CTNNB1: variants seen among roughly 807,000 people sequenced by gnomAD.
CTNNB1 encodes catenin beta-1.
CTNNB1 carries 6 observed loss-of-function variants against 82.5 expected under a neutral mutation model. The ratio of observed to expected loss-of-function variants is 0.07; its 90% CI spans 0.04 to 0.14. CTNNB1 has a LOEUF of 0.14. Ranked by LOEUF, CTNNB1 falls within the 10% of genes least tolerant of loss-of-function variation. CTNNB1 has a pLI of 1.00. For synonymous variants in CTNNB1, 312 were observed against 329.7 expected, an observed-to-expected ratio of 0.95 and a Z score of 0.58; for missense variants, 529 against 980.4, an observed-to-expected ratio of 0.54 and a Z score of 6.15.
intron 11 of CTNNB1, 145 bp downstream of exon 11, chr3:41,235,988 A>G (rs1217771265): frequency 9.7e-7 from 1 of 1,036,114 alleles, no homozygotes; most frequent in African/African-American, 1.6e-5. Flanking sequence ...TTGGTCAGTA[A>G]GAGAAACATT....
intron 3 of CTNNB1, 61 bp downstream of exon 3, chr3:41,224,814 A>T (rs2078136953): frequency 6.3e-7 from 1 of 1,593,998 alleles, no homozygotes; most frequent in Non-Finnish European, 8.6e-7. Context: ...AGAACTAAAA[A>T]GTTAGTGTAT....
At chr3:41,227,427 G>T (rs755995003) in intron 7 of CTNNB1, 75 bp downstream of exon 7, 4 of 1,523,604 alleles carry the variant, frequency 2.6e-6, no homozygotes, top group Non-Finnish European at 3.6e-6. Context: ...CTTAGGAAAA[G>T]GTGGTAGAAC....
chr3:41,234,618 C>A (rs2078390203), intron 10 of CTNNB1: 1 of 370,542 alleles, frequency 2.7e-6, no homozygotes, highest in Non-Finnish European at 5.1e-6. Flanking sequence ...AATTTGAGAT[C>A]AAATCTGTGT....
chr3:41,218,951 A>G (rs1013488527), intron 1 of CTNNB1, among the ~76,000 whole-genome samples: 2 of 152,176 alleles, frequency 1.3e-5, no homozygotes, highest in Non-Finnish European at 2.9e-5. Context: ...AAGCTAGTGT[A>G]TATTCTTTGC....
chr3:41,203,275 G>T (rs1172142971), intron 1 of CTNNB1, among the ~76,000 whole-genome samples: 1 of 151,754 alleles, frequency 6.6e-6, no homozygotes, highest in African/African-American at 2.4e-5. Context: ...TGATGAGGGA[G>T]AATCAACTAA....
intron 1 of CTNNB1, among the ~76,000 whole-genome samples, chr3:41,220,054 G>C (rs2078005308): frequency 6.6e-6 from 1 of 152,062 alleles, no homozygotes; most frequent in South Asian, 2.1e-4. Context: ...CTGTGTGGTG[G>C]ACTCATATGA....
Position 41,236,346 on chromosome 3 carries a change from T to TGG in CTNNB1, c.1804-3_1804-2insGG. 1 of 1,614,226 alleles carries TGG rather than the reference T, an allele frequency of 6.2e-7. No individual in the cohort carries two copies. Among genetic ancestry groups the TGG allele is most frequent in the Non-Finnish European group, 8.5e-7 (1 of 1,180,020 alleles). On this transcript the variant is annotated splice_region_variant and splice_polypyrimidine_tract_variant and intron_variant, in intron 11 of 14. Transcript: ENST00000349496. ...TTAGGTTTTGTTTGTGTTTTCTCCT[T>TGG]AGCTGCTTTATTCTCCCATTGAAAA...
intron 13 of CTNNB1, chr3:41,237,697 CT>C (rs548643863): frequency 0.33 from 46,237 of 139,886 alleles, 7,854 homozygotes; most frequent in Non-Finnish European, 0.39. Flanking sequence ...GGCATTTTGC[CT>C]TTTTTTTTTT....
chr3:41,228,086 A>G (rs1466009759), intron 7 of CTNNB1, among the ~76,000 whole-genome samples: 1 of 152,156 alleles, frequency 6.6e-6, no homozygotes, highest in East Asian at 1.9e-4. Context: ...ATTCCATAGT[A>G]TATATGTACC....
chr3:41,234,531 G>A (rs1305937270), intron 10 of CTNNB1: 2 of 545,464 alleles, frequency 3.7e-6, no homozygotes, highest in East Asian at 6.5e-5. Flanking sequence ...TCTTACAAAG[G>A]TTGGGTTAGG....
In CTNNB1 at chr3:41,238,081, G is replaced by A. The variant is rs2078482438; in HGVS notation, c.2137+5G>A. On this transcript the variant is annotated splice_donor_5th_base_variant and intron_variant, in intron 14 of 14. Transcript: ENST00000349496. ...CCCTTGGATATCGCCAGGATGGTAT[G>A]TGTCTCATATTTCTCGATTAACTCC... 6.2e-7 allele frequency: 1 copy of A among 1,612,250 alleles called. No individual in the cohort carries two copies. Among genetic ancestry groups the A allele is most frequent in the Non-Finnish European group, 8.5e-7 (1 of 1,178,390 alleles).
At chr3:41,219,911 A>T (rs565179415) in intron 1 of CTNNB1, among the ~76,000 whole-genome samples, 80 of 152,332 alleles carry the variant, frequency 5.3e-4, no homozygotes, top group African/African-American at 1.9e-3. Flanking sequence ...GAGGTAGCTT[A>T]TAGTATAGAC....
In CTNNB1 at chr3:41,237,605, G is replaced by A. The variant is rs145739468; in HGVS notation, c.2077-411G>A. The A allele has an allele frequency of 1.1e-3, 187 of 172,530 alleles. 2 individuals are homozygous for A. Among genetic ancestry groups the A allele is most frequent in the African/African-American group, 4.4e-3 (184 of 41,396 alleles). 10.7% of individuals were successfully genotyped at this position (172,530 alleles called of 1,614,324 possible). ...CACTGTCTTCTCTGTCTTAGTTAAT[G>A]TCAGCTTTGTCTGTCCAGCTGCTCA... is the stretch of plus-strand genomic sequence containing the variant. On this transcript the variant is annotated intron_variant, in intron 13 of 14. Coordinates refer to ENST00000349496, the MANE Select transcript of CTNNB1 (RefSeq NM_001904.4).
At chr3:41,237,973 A>T (rs2078479283) in intron 13 of CTNNB1, 43 bp from the exon 14 acceptor site, 1 of 1,576,394 alleles carries the variant, frequency 6.3e-7, no homozygotes. Context: ...GAGAATTTTC[A>T]TTTTGCTTTC....
rs763403614 is a variant in CTNNB1 at position 41,236,715 on chromosome 3, G to GA, written c.2076+9dup. The GA allele has an allele frequency of 6.2e-6, 10 of 1,613,952 alleles. No individual in the cohort carries two copies. The South Asian group carries it at 1.1e-4, about 18-fold the overall frequency. On this transcript the variant is annotated splice_region_variant and intron_variant, in intron 13 of 14. Coordinates refer to ENST00000349496, the MANE Select transcript of CTNNB1 (RefSeq NM_001904.4). ...AGCCAATGGCTTGGAATGAGGTAGGGAAATGTGAGCAGTTATTTATCTGGT... is the reference window on the plus strand; with the variant it reads ...AGCCAATGGCTTGGAATGAGGTAGGGAAAATGTGAGCAGTTATTTATCTGGT...
At chr3:41,236,791 G>A (rs1007613502) in intron 13 of CTNNB1, 82 bp downstream of exon 13, 3 of 1,564,294 alleles carry the variant, frequency 1.9e-6, no homozygotes, top group Admixed American at 1.7e-5. Context: ...AAAACACTTA[G>A]TACACATTCA....
chr3:41,234,601 G>A, intron 10 of CTNNB1: 1 of 401,042 alleles, frequency 2.5e-6, no homozygotes, highest in Non-Finnish European at 4.7e-6. Flanking sequence ...GGAAGAGGTA[G>A]AGTCATAATT....
Position 41,235,848 on chromosome 3 carries a change from G to A in CTNNB1, c.1803+5G>A. The A allele has an allele frequency of 6.2e-7, 1 of 1,614,040 alleles. No homozygotes were observed. The highest frequency in any genetic ancestry group is 8.5e-7 in the Non-Finnish European group (1 of 1,179,936). ...ACCATTCCATTGTTTGTGCAGGTAT[G>A]TTTTAAGTGAAGTGTTCTAGGTTTT... On this transcript the variant is annotated splice_donor_5th_base_variant and intron_variant, in intron 11 of 14. Coordinates refer to ENST00000349496, the MANE Select transcript of CTNNB1 (RefSeq NM_001904.4).
intron 1 of CTNNB1, among the ~76,000 whole-genome samples, chr3:41,214,203 C>G (rs1243848656): frequency 6.6e-6 from 1 of 152,122 alleles, no homozygotes; most frequent in Non-Finnish European, 1.5e-5. Context: ...GGAGCAGCAT[C>G]AGCGACCTGT....
Sources: allele counts gnomAD v4.1 joint callset (sites outside exome capture counted in the v4.1 genomes callset), GRCh38; gene constraint gnomAD v4.1.1; transcripts MANE v1.5; gene names NCBI Gene and HGNC (gene_info 2026-07-23, HGNC 2026-07-21).